ITGA9: variants seen among roughly 807,000 people sequenced by gnomAD.
ITGA9 encodes integrin subunit alpha 9, also known as integrin alpha-9.
ITGA9 carries 56 observed loss-of-function variants against 127.8 expected under a neutral mutation model. That is an observed-to-expected ratio of 0.44 (90% confidence interval 0.35 to 0.55). The LOEUF (loss-of-function observed/expected upper bound fraction) is 0.55, where lower values mean the gene tolerates loss of function less well. Among genes scored for constraint, ITGA9 ranks in the 20% least tolerant of loss-of-function variants. The pLI is 0.00. For missense variants in ITGA9, 1,196 were observed against 1,347.1 expected, an observed-to-expected ratio of 0.89 and a Z score of 1.76; for synonymous variants, 508 against 514.5, an observed-to-expected ratio of 0.99 and a Z score of 0.17.
chr3:37,653,677 A>T (rs748389218), intron 16 of ITGA9, 37 bp from the exon 17 acceptor site: 2 of 1,490,926 alleles, frequency 1.3e-6, no homozygotes, highest in Non-Finnish European at 1.9e-6. Flanking sequence ...TTGCCACTCA[A>T]TCCTGCCCTA....
intron 17 of ITGA9, among the ~76,000 whole-genome samples, chr3:37,667,162 T>G (rs922912932): frequency 6.6e-6 from 1 of 152,188 alleles, no homozygotes; most frequent in African/African-American, 2.4e-5. Context: ...GATGAATTTA[T>G]TCTGAAATTC....
chr3:37,718,489 T>C (rs1701157367), intron 18 of ITGA9, among the ~76,000 whole-genome samples: 1 of 152,176 alleles, frequency 6.6e-6, no homozygotes, highest in South Asian at 2.1e-4. Flanking sequence ...TTTTCTCACA[T>C]ACTCTAGGTC....
intron 23 of ITGA9, among the ~76,000 whole-genome samples, chr3:37,773,820 T>C (rs1696872895): frequency 6.6e-6 from 1 of 152,170 alleles, no homozygotes; most frequent in Non-Finnish European, 1.5e-5. Flanking sequence ...AAAAGAAGTT[T>C]GGAGAAATGA....
At chr3:37,510,642 G>A (rs1017747721) in intron 8 of ITGA9, among the ~76,000 whole-genome samples, 1 of 152,170 alleles carries the variant, frequency 6.6e-6, no homozygotes, top group African/African-American at 2.4e-5. Flanking sequence ...TCCAGGACAG[G>A]TTCAGGCCTG....
At chr3:37,498,032 G>A (rs1006667014) in intron 5 of ITGA9, among the ~76,000 whole-genome samples, 7 of 152,224 alleles carry the variant, frequency 4.6e-5, no homozygotes, top group Admixed American at 1.3e-4. Context: ...AAATGTCAAG[G>A]GGCTGGGTGG....
At chr3:37,681,012 T>C (rs1281425959) in intron 17 of ITGA9, among the ~76,000 whole-genome samples, 2 of 152,222 alleles carry the variant, frequency 1.3e-5, no homozygotes, top group Non-Finnish European at 2.9e-5. Context: ...GCACATGTTA[T>C]TCTTGTTGAT....
intron 1 of ITGA9, among the ~76,000 whole-genome samples, chr3:37,460,482 A>T (rs992615655): frequency 6.6e-6 from 1 of 152,174 alleles, no homozygotes; most frequent in Non-Finnish European, 1.5e-5. Context: ...TAAACGCTTC[A>T]GGTGATGGAT....
rs530231188 is a variant in ITGA9, at chr3:37,511,964, C to CTTTCTTTTCT, written c.898-1741_898-1732dup. Among the ~76,000 whole-genome samples, 6 of 88,212 alleles carry CTTTCTTTTCT rather than the reference C, an allele frequency of 6.8e-5. 1 individual carries two copies. The highest frequency in any genetic ancestry group is 9.3e-4 in the South Asian group (2 of 2,162). The allele number at this position is 88,212 out of a possible 152,430, so 57.9% of individuals were successfully genotyped here. A position where few individuals can be genotyped will look rare whatever the true frequency, so the allele number is the denominator to read the frequency against. ...ATTTTAAAAGAATAATGCTTTTTCT[C>CTTTCTTTTCT]TTTCTTTTCTTTTCTTTTCTTTTCT... On this transcript the variant is annotated intron_variant, in intron 8 of 27. Coordinates refer to ENST00000264741, the MANE Select transcript of ITGA9 (RefSeq NM_002207.3).
chr3:37,575,596 A>G (rs1055692823), intron 15 of ITGA9, among the ~76,000 whole-genome samples: 1 of 152,128 alleles, frequency 6.6e-6, no homozygotes, highest in African/African-American at 2.4e-5. Context: ...AGCTCTGCCC[A>G]AGGTGTTATA....
At chr3:37,628,248 C>T (rs1338470615) in intron 15 of ITGA9, among the ~76,000 whole-genome samples, 1 of 152,138 alleles carries the variant, frequency 6.6e-6, no homozygotes, top group East Asian at 1.9e-4. Context: ...ACTTGGAAGT[C>T]CTTGGAGCAG....
chr3:37,748,161 G>A (rs2125536576), intron 22 of ITGA9: 1 of 469,966 alleles, frequency 2.1e-6, no homozygotes, highest in South Asian at 1.7e-5. Flanking sequence ...TGTTCTCTAG[G>A]CTTTTTAGAA....
intron 4 of ITGA9, among the ~76,000 whole-genome samples, chr3:37,489,935 G>A (rs1490171629): frequency 6.6e-6 from 1 of 152,182 alleles, no homozygotes. Context: ...GGGAGGGGCA[G>A]GGGTTCTTAT....
chr3:37,803,850 G>A lies in ITGA9; in HGVS notation c.2917G>A (p.Glu973Lys), dbSNP rs1201508622. 3 of 1,614,158 alleles carry A rather than the reference G, an allele frequency of 1.9e-6. No individual in the cohort carries two copies. The highest frequency in any genetic ancestry group is 2.2e-5 in the East Asian group (1 of 44,882). ...TVVFEALHNL[E>K]PRGYVVGWII... ...GGTCTTCGAGGCCCTGCACAATCTG[G>A]AGCCCCGTGGCTACGTCGTGGGGTG... Residue 973 changes from glutamate (E) to lysine (K), a missense_variant, in exon 27 of 28, where the codon GAG (glutamate) becomes AAG (lysine). Glu to Lys is a moderately conservative substitution (Grantham distance 56). Coordinates refer to ENST00000264741, the MANE Select transcript of ITGA9 (RefSeq NM_002207.3).
chr3:37,623,495 C>T (rs1700146016), intron 15 of ITGA9, among the ~76,000 whole-genome samples: 1 of 152,214 alleles, frequency 6.6e-6, no homozygotes, highest in South Asian at 2.1e-4. Flanking sequence ...GAAAAGTGCC[C>T]ATAAATGTTG....
chr3:37,523,445 G>A, intron 11 of ITGA9, 76 bp from the exon 12 acceptor site: 1 of 1,122,462 alleles, frequency 8.9e-7, no homozygotes. Context: ...TAGGGAAGCT[G>A]GAATAAAGCA....
At chr3:37,725,427 C>T (rs762658065) in intron 18 of ITGA9, among the ~76,000 whole-genome samples, 28 of 152,134 alleles carry the variant, frequency 1.8e-4, no homozygotes, top group South Asian at 1.0e-3. Flanking sequence ...GGCCTTTTCC[C>T]CACACCTGTG....
Position 37,512,120 on chromosome 3 carries a change from C to CTTTTCTTTTCT in ITGA9, c.898-1640_898-1639insTCTTTTCTTTT, listed in dbSNP as rs60763846. Among the ~76,000 whole-genome samples the CTTTTCTTTTCT allele has an allele frequency of 3.8e-4, 15 of 39,458 alleles. 2 individuals are homozygous for CTTTTCTTTTCT. The highest frequency in any genetic ancestry group is 7.3e-4 in the African/African-American group (6 of 8,250). 25.9% of individuals were successfully genotyped at this position (39,458 alleles called of 152,430 possible). A position where few individuals can be genotyped will look rare whatever the true frequency, so the allele number is the denominator to read the frequency against. The stretch of plus-strand genomic sequence containing the variant: ...TCCTTCCTTCCTTCCTTCCTTCCTT[C>CTTTTCTTTTCT]TTTCTTTTCTTTTCTTTTCTTTTCT... On this transcript the variant is annotated intron_variant, in intron 8 of 27. Coordinates refer to ENST00000264741, the MANE Select transcript of ITGA9 (RefSeq NM_002207.3).
At chr3:37,481,449 A>G in intron 3 of ITGA9, 35 bp from the exon 4 acceptor site, 1 of 1,614,020 alleles carries the variant, frequency 6.2e-7, no homozygotes, top group Non-Finnish European at 8.5e-7. Context: ...TTTGGGGCCA[A>G]CTTTCCTGCT....
At chr3:37,594,210 G>A (rs1284014297) in intron 15 of ITGA9, among the ~76,000 whole-genome samples, 1 of 152,188 alleles carries the variant, frequency 6.6e-6, no homozygotes, top group Non-Finnish European at 1.5e-5. Context: ...GTTGAGATAG[G>A]GGTCTGGCCC....
Sources: gnomAD v4.1 joint callset for allele counts (sites outside exome capture counted in the v4.1 genomes callset) on GRCh38, gnomAD v4.1.1 for gene constraint, MANE v1.5 for transcripts, NCBI Gene and HGNC (gene_info 2026-07-23, HGNC 2026-07-21) for gene names.